PPP2R5C: variants seen among roughly 807,000 people sequenced by gnomAD.
The protein encoded by PPP2R5C is protein phosphatase 2 regulatory subunit B'gamma.
A neutral mutation model predicts 68.9 loss-of-function variants in PPP2R5C; 7 were observed. The ratio of observed to expected loss-of-function variants is 0.10; its 90% CI spans 0.06 to 0.19. The LOEUF (loss-of-function observed/expected upper bound fraction) is 0.19, where lower values mean the gene tolerates loss of function less well. Among genes scored for constraint, PPP2R5C ranks in the 10% least tolerant of loss-of-function variants. The pLI, the probability that PPP2R5C is intolerant of heterozygous loss-of-function variation, is 1.00. For missense variants in PPP2R5C, 348 were observed against 641.3 expected, an observed-to-expected ratio of 0.54 and a Z score of 4.94; for synonymous variants, 210 against 222.2, an observed-to-expected ratio of 0.95 and a Z score of 0.49.
chr14:101,844,268 G>A (rs1167573151), intron 1 of PPP2R5C: 1 of 152,052 alleles, frequency 6.6e-6, no homozygotes, highest in Non-Finnish European at 1.5e-5. Context: ...TGACAAGTTC[G>A]AGGAGGCTGG....
Position 101,841,965 on chromosome 14 carries a change from C to T in PPP2R5C, c.95-14721C>T, listed in dbSNP as rs933420038. Among the ~76,000 whole-genome samples the T allele has an allele frequency of 3.3e-5, 5 of 152,126 alleles. No individual in the cohort carries two copies. In the East Asian group the frequency reaches 5.8e-4, roughly 18 times the overall value. ...ACCTGATTTCTAGTGCCACCTTTTGCGGCTCCTGTGGAGAGTCCAGCTCAC... is the reference window on the plus strand; with the variant it reads ...ACCTGATTTCTAGTGCCACCTTTTGTGGCTCCTGTGGAGAGTCCAGCTCAC... On this transcript the variant is annotated intron_variant, in intron 1 of 13. Transcript: ENST00000334743.
At chr14:101,921,812 G>A (rs1409377105) in intron 13 of PPP2R5C, among the ~76,000 whole-genome samples, 1 of 152,142 alleles carries the variant, frequency 6.6e-6, no homozygotes, top group Non-Finnish European at 1.5e-5. Flanking sequence ...GATGGAGTAG[G>A]CTGGATTTTT....
intron 2 of PPP2R5C, among the ~76,000 whole-genome samples, chr14:101,857,974 T>C (rs777025258): frequency 6.6e-6 from 1 of 152,240 alleles, no homozygotes; most frequent in East Asian, 1.9e-4. Context: ...TTCAGTCTAC[T>C]GTGTCAGAGG....
intron 2 of PPP2R5C, among the ~76,000 whole-genome samples, chr14:101,776,454 TAAACTG>T (rs2037426824): frequency 6.6e-6 from 1 of 152,146 alleles, no homozygotes; most frequent in Non-Finnish European, 1.5e-5. Context: ...AGTAAACACT[TAAACTG>T]AGGAAGCACA....
chr14:101,898,435 C>T (rs944560962), intron 8 of PPP2R5C, among the ~76,000 whole-genome samples: 2 of 152,158 alleles, frequency 1.3e-5, no homozygotes, highest in Non-Finnish European at 2.9e-5. Context: ...TCACCCTATT[C>T]TCTCTTCCAC....
chr14:101,875,104 T>C (rs757991664), intron 2 of PPP2R5C, among the ~76,000 whole-genome samples: 17 of 152,230 alleles, frequency 1.1e-4, no homozygotes, highest in Admixed American at 2.0e-4. Flanking sequence ...ATTGTAAAAA[T>C]AGCAAGTTAT....
intron 2 of PPP2R5C, among the ~76,000 whole-genome samples, chr14:101,782,118 C>T (rs1325995804): frequency 3.8e-5 from 3 of 78,838 alleles, no homozygotes; most frequent in Admixed American, 2.2e-4. Flanking sequence ...CTCCCCCTCC[C>T]CCTTCTTCCC....
Position 101,909,707 on chromosome 14 carries a change from A to G in PPP2R5C, c.1253+17A>G, listed in dbSNP as rs2046277862. 1 of 1,536,018 alleles carries G rather than the reference A, an allele frequency of 6.5e-7. No homozygotes were observed. The highest frequency in any genetic ancestry group is 9.0e-7 in the Non-Finnish European group (1 of 1,114,094). ...GAAACTAAAGTGAGTTGTTCCTTTC[A>G]CAAGTTACTGTTTCCAGGATTTTTT... On this transcript the variant is annotated intron_variant, in intron 11 of 13. Coordinates refer to ENST00000334743, the Ensembl canonical transcript of PPP2R5C.
chr14:101,782,077 CCT>C (rs1204799929), intron 2 of PPP2R5C, among the ~76,000 whole-genome samples: 3 of 120,708 alleles, frequency 2.5e-5, no homozygotes, highest in Non-Finnish European at 5.5e-5. Context: ...TCTCCCACTC[CCT>C]CTCTCCCCAC....
At chr14:101,831,825 A>G (rs1468630153) in intron 1 of PPP2R5C, 6 of 694,434 alleles carry the variant, frequency 8.6e-6, no homozygotes, top group South Asian at 1.5e-5. Flanking sequence ...TGGTCCTAGA[A>G]GCAATCCCCA....
chr14:101,837,831 G>A lies in PPP2R5C; in HGVS notation c.95-18855G>A, dbSNP rs182302502. Among the ~76,000 whole-genome samples the A allele has an allele frequency of 5.9e-5, 9 of 152,286 alleles. No homozygotes were observed. The East Asian group carries it at 1.3e-3, about 23-fold the overall frequency. On this transcript the variant is annotated intron_variant, in intron 1 of 13. Transcript: ENST00000334743. ...CACTCACTCCTCACAGTCCCTGTTCGAAGGAGGTGCTGTCCTCATCCGCAT... is the reference window on the plus strand; with the variant it reads ...CACTCACTCCTCACAGTCCCTGTTCAAAGGAGGTGCTGTCCTCATCCGCAT...
rs71116851 is a variant in PPP2R5C at position 101,821,452 on chromosome 14, GGTGT to G, written c.94+11445_94+11448del. ...TCTCCCTGTGGGGGGTGGGTGGGTG[GGTGT>G]GTGTGTGTGTGTGTGTGTGTGTGTG... On this transcript the variant is annotated intron_variant, in intron 1 of 13. Transcript: ENST00000334743. 3.2e-4 allele frequency among the ~76,000 whole-genome samples: 39 copies of G among 121,440 alleles called. No homozygotes were observed. The South Asian group carries it at 4.0e-3, about 12-fold the overall frequency. 79.7% of individuals were successfully genotyped at this position (121,440 alleles called of 152,430 possible).
chr14:101,839,833 G>A (rs955177414), intron 1 of PPP2R5C, among the ~76,000 whole-genome samples: 2 of 152,196 alleles, frequency 1.3e-5, no homozygotes, highest in African/African-American at 4.8e-5. Flanking sequence ...ACACGGGGGT[G>A]TGGGTAGAGA....
chr14:101,782,063 TCCCTCTCC>T (rs2037732900), intron 2 of PPP2R5C, among the ~76,000 whole-genome samples: 2 of 89,858 alleles, frequency 2.2e-5, no homozygotes, highest in African/African-American at 9.0e-5. Context: ...TCTCTCTTTC[TCCCTCTCC>T]CACTCCCTCT....
At chr14:101,833,512 G>C (rs948681084) in intron 1 of PPP2R5C, 1 of 152,100 alleles carries the variant, frequency 6.6e-6, no homozygotes, top group East Asian at 1.9e-4. Context: ...CACCACCTTG[G>C]GTAAACCATT....
Position 101,913,242 on chromosome 14 carries a change from T to A in PPP2R5C, c.1326+769T>A, listed in dbSNP as rs569606345. Among the ~76,000 whole-genome samples the A allele has an allele frequency of 6.6e-6, 1 of 152,392 alleles. No individual in the cohort carries two copies. Among genetic ancestry groups the A allele is most frequent in the South Asian group, 2.1e-4 (1 of 4,834 alleles). ...AATCTTTTGTCTGAATCTTTGCCAC[T>A]CTTAAGAATTCTCAAGCTTTCCTTC... On this transcript the variant is annotated intron_variant, in intron 12 of 13. Transcript: ENST00000334743. This position sits in a 1 kb window ranked among gnomAD's most constrained non-coding sequence, Gnocchi z 4.1.
chr14:101,777,453 G>A (rs570474867), intron 2 of PPP2R5C, among the ~76,000 whole-genome samples: 35 of 150,970 alleles, frequency 2.3e-4, no homozygotes, highest in Non-Finnish European at 4.0e-4. Context: ...GGGTTCAAGC[G>A]ATTCTCCTGC....
chr14:101,849,068 T>C (rs2042004308), intron 1 of PPP2R5C, among the ~76,000 whole-genome samples: 1 of 152,260 alleles, frequency 6.6e-6, no homozygotes, highest in Admixed American at 6.5e-5. Context: ...TTGTAAGGCA[T>C]ATCCATATTG....
At chr14:101,889,361 T>A (rs2044710795) in intron 5 of PPP2R5C, among the ~76,000 whole-genome samples, 1 of 152,184 alleles carries the variant, frequency 6.6e-6, no homozygotes, top group Non-Finnish European at 1.5e-5. Context: ...CAGGAGAGGC[T>A]TCTTTGTTTC....
Sources: allele counts gnomAD v4.1 joint callset (sites outside exome capture counted in the v4.1 genomes callset), GRCh38; gene constraint gnomAD v4.1.1; non-coding constraint Gnocchi (gnomAD v3.1); transcripts MANE v1.5; gene names NCBI Gene and HGNC (gene_info 2026-07-23, HGNC 2026-07-21).